The following DRAM1 variants were observed in gnomAD, a reference collection of about 807,000 sequenced individuals.
DRAM1 encodes DNA damage-regulated autophagy modulator protein 1.
In DRAM1, 25 loss-of-function variants were observed where a neutral mutation model predicts 28.5. The ratio of observed to expected loss-of-function variants is 0.88; its 90% CI spans 0.64 to 1.23. DRAM1 has a LOEUF of 1.23. DRAM1 is among the 50% of genes most tolerant of loss of function. The pLI, the probability that DRAM1 is intolerant of heterozygous loss-of-function variation, is 0.00. For missense variants in DRAM1, 249 were observed against 299.2 expected (o/e 0.83, Z 1.24); for synonymous variants, 113 against 114.2 (o/e 0.99, Z 0.07).
At chr12:101,880,029 G>T (rs1051759455) in intron 1 of DRAM1, among the ~76,000 whole-genome samples, 10 of 151,176 alleles carry the variant, frequency 6.6e-5, no homozygotes, top group Non-Finnish European at 1.5e-4. Context: ...TCTACCTGCA[G>T]TGCTGCTTCT....
rs778876193 is a variant in DRAM1, at chr12:101,901,274, G to C, written c.200-17G>C. The C allele has an allele frequency of 4.4e-6, 7 of 1,605,964 alleles. No individual in the cohort carries two copies. The highest frequency in any genetic ancestry group is 5.9e-6 in the Non-Finnish European group (7 of 1,176,836). ...CATCAAATTATGAACATTCATCAAA[G>C]TTCTCTTCTTTTTCAGGTGCAGCCA... On this transcript the variant is annotated splice_polypyrimidine_tract_variant and intron_variant, in intron 2 of 6. Coordinates refer to ENST00000258534, the MANE Select transcript of DRAM1 (RefSeq NM_018370.3).
chr12:101,923,254 A>C lies in DRAM1; in HGVS notation c.*1994A>C, dbSNP rs116370125. The C allele has an allele frequency of 2.0e-5, 3 of 152,346 alleles. No homozygotes were observed. The highest frequency in any genetic ancestry group is 7.2e-5 in the African/African-American group (3 of 41,576). 9.4% of individuals were successfully genotyped at this position (152,346 alleles called of 1,614,324 possible). A position where few individuals can be genotyped will look rare whatever the true frequency, so the allele number is the denominator to read the frequency against. On this transcript the variant is annotated 3_prime_UTR_variant, in exon 7 of 7. Coordinates refer to ENST00000258534, the MANE Select transcript of DRAM1 (RefSeq NM_018370.3). ...TATTCTGAAGAGGAGGAGAAATGCC[A>C]CATACCTTTCCCATGGGACCTGTGG...
Position 101,877,943 on chromosome 12 carries a change from G to A in DRAM1, c.131+23G>A. 6.7e-7 allele frequency: 1 copy of A among 1,502,508 alleles called. No individual in the cohort carries two copies. The highest frequency in any genetic ancestry group is 8.9e-7 in the Non-Finnish European group (1 of 1,118,822). 93.1% of individuals were successfully genotyped at this position (1,502,508 alleles called of 1,614,324 possible). On this transcript the variant is annotated intron_variant, in intron 1 of 6. Coordinates refer to ENST00000258534, the MANE Select transcript of DRAM1 (RefSeq NM_018370.3). This position sits in a 1 kb window ranked among gnomAD's most constrained non-coding sequence, Gnocchi z 4.1. ...CAGGTGAGTGGCAGGGTGGGCGTCA[G>A]GGCCCCAGGAGCAGGCACAGGGACC...
Position 101,897,859 on chromosome 12 carries a change from C to T in DRAM1, c.132-4C>T, listed in dbSNP as rs1873445219. The T allele has an allele frequency of 6.2e-7, 1 of 1,604,470 alleles. No individual in the cohort carries two copies. The highest frequency in any genetic ancestry group is 1.7e-5 in the Admixed American group (1 of 59,262). The stretch of plus-strand genomic sequence containing the variant: ...ATAATTTGGACATTTCTTCCCTTTG[C>T]CAGTGATACGGGAACAACACCTCCA... On this transcript the variant is annotated splice_polypyrimidine_tract_variant and splice_region_variant and intron_variant, in intron 1 of 6. Transcript: ENST00000258534.
intron 1 of DRAM1, 23 bp from the exon 2 acceptor site, chr12:101,897,840 T>C: frequency 1.3e-6 from 2 of 1,577,324 alleles, no homozygotes; most frequent in Non-Finnish European, 1.7e-6. Flanking sequence ...TCTAATAATT[T>C]GGACATTTCT....
chr12:101,896,139 CG>C (rs1270780404), intron 1 of DRAM1, among the ~76,000 whole-genome samples: 1 of 152,204 alleles, frequency 6.6e-6, no homozygotes, highest in Non-Finnish European at 1.5e-5. Flanking sequence ...CCACCTGCCT[CG>C]ACCTCCGAAA....
At chr12:101,878,072 T>G in intron 1 of DRAM1, 152 bp downstream of exon 1, 1 of 1,157,520 alleles carries the variant, frequency 8.6e-7, no homozygotes, top group South Asian at 2.1e-5. Context: ...CCCGATAGCC[T>G]GGGATGTTTA....
At chr12:101,878,019 C>A in intron 1 of DRAM1, 99 bp downstream of exon 1, 2 of 1,340,786 alleles carry the variant, frequency 1.5e-6, no homozygotes, top group Non-Finnish European at 1.9e-6. Context: ...CAGCTTGGGG[C>A]GTCGTGTGGT....
intron 1 of DRAM1, among the ~76,000 whole-genome samples, chr12:101,891,004 CT>C (rs1873106937): frequency 6.6e-6 from 1 of 152,170 alleles, no homozygotes; most frequent in African/African-American, 2.4e-5. Flanking sequence ...CCGCCTCGGC[CT>C]CCCAAAGTGC....
At position 101,877,890 on chromosome 12, in the gene DRAM1, G is replaced by T. The variant is rs1049137596; in HGVS notation, c.101G>T (p.Gly34Val). The part of the protein sequence containing the change: ...IISYVVAVLS[G>V]HVNPFLPYIS... Reference sequence around the variant, plus strand: ...TCCTACGTGGTCGCCGTGCTCTCCGGGCACGTCAACCCCTTCCTCCCGTAT... The same window carrying T: ...TCCTACGTGGTCGCCGTGCTCTCCGTGCACGTCAACCCCTTCCTCCCGTAT... The change falls in exon 1 of 7, where the codon GGG becomes GTG. Residue 34 changes from glycine to valine, a missense_variant. Gly to Val is a moderately radical substitution (Grantham distance 109, BLOSUM62 -3). Coordinates refer to ENST00000258534, the MANE Select transcript of DRAM1 (RefSeq NM_018370.3). This position sits in a 1 kb window ranked among gnomAD's most constrained non-coding sequence, Gnocchi z 4.1. The T allele has an allele frequency of 6.5e-7, 1 of 1,543,746 alleles. No homozygotes were observed. Among genetic ancestry groups the T allele is most frequent in the Middle Eastern group, 1.7e-4 (1 of 5,964 alleles).
At chr12:101,916,523 A>G (rs1253031709) in intron 5 of DRAM1, among the ~76,000 whole-genome samples, 1 of 152,216 alleles carries the variant, frequency 6.6e-6, no homozygotes, top group Non-Finnish European at 1.5e-5. Context: ...TGGACCAAGC[A>G]TCAGAACACA....
chr12:101,905,340 G>C (rs141434778), intron 3 of DRAM1, among the ~76,000 whole-genome samples: 3,696 of 152,178 alleles, frequency 0.024, 159 homozygotes, highest in African/African-American at 0.084. Flanking sequence ...GGAGTGCAGT[G>C]GTGTGATCAT....
intron 1 of DRAM1, among the ~76,000 whole-genome samples, chr12:101,880,069 A>G (rs1243065344): frequency 1.3e-5 from 2 of 151,112 alleles, no homozygotes; most frequent in Non-Finnish European, 1.5e-5. Flanking sequence ...GTTTTTTCAG[A>G]CAAAGTCTCG....
intron 3 of DRAM1, among the ~76,000 whole-genome samples, chr12:101,903,008 C>T (rs970755579): frequency 5.3e-5 from 8 of 151,852 alleles, no homozygotes; most frequent in South Asian, 4.1e-4. Flanking sequence ...GCAACCTCCG[C>T]CCCGGGTTCA....
chr12:101,913,705 CAAA>C (rs60536139), intron 4 of DRAM1, among the ~76,000 whole-genome samples: 2,837 of 49,710 alleles, frequency 0.057, 29 homozygotes, highest in African/African-American at 0.1. Flanking sequence ...GAGTACGTCT[CAAA>C]AAAAAAAAAA....
intron 1 of DRAM1, among the ~76,000 whole-genome samples, chr12:101,890,819 CA>C (rs1555281560): frequency 2.0e-5 from 3 of 149,142 alleles, no homozygotes; most frequent in Non-Finnish European, 4.4e-5. Context: ...GGCGTGATCT[CA>C]GCTCACTGCA....
At chr12:101,879,647 G>C (rs1397700115) in intron 1 of DRAM1, among the ~76,000 whole-genome samples, 1 of 151,696 alleles carries the variant, frequency 6.6e-6, no homozygotes, top group African/African-American at 2.4e-5. Flanking sequence ...TCAGGCCCAA[G>C]TGCCATCATC....
chr12:101,921,202 A>G lies in DRAM1; in HGVS notation c.673-14A>G, dbSNP rs975835283. On this transcript the variant is annotated splice_polypyrimidine_tract_variant and intron_variant, in intron 6 of 6. Transcript: ENST00000258534. The stretch of plus-strand genomic sequence containing the variant: ...AACTTCTTTTAAACCTTTCTCTTTC[A>G]TTTTTAAAAATAGAGTGTCACCCTA... 1.3e-6 allele frequency: 2 copies of G among 1,582,564 alleles called. No homozygotes were observed. The highest frequency in any genetic ancestry group is 1.7e-4 in the Middle Eastern group (1 of 6,016).
chr12:101,881,883 C>T (rs1255823640), intron 1 of DRAM1, among the ~76,000 whole-genome samples: 1 of 152,162 alleles, frequency 6.6e-6, no homozygotes, highest in Non-Finnish European at 1.5e-5. Flanking sequence ...TTTTCTGTCT[C>T]CCTTCACTGG....
Sources: gnomAD v4.1 joint callset for allele counts (sites outside exome capture counted in the v4.1 genomes callset) on GRCh38, gnomAD v4.1.1 for gene constraint, Gnocchi (gnomAD v3.1) non-coding constraint, MANE v1.5 for transcripts, NCBI Gene and HGNC (gene_info 2026-07-23, HGNC 2026-07-21) for gene names.